Variants in METTL15 observed in about 807,000 individuals in gnomAD.
METTL15 encodes the protein methyltransferase 15, mitochondrial 12S rRNA N4-cytidine, also known as 12S rRNA N(4)-cytidine methyltransferase METTL15.
In METTL15, 34 loss-of-function variants were observed where a neutral mutation model predicts 38.3. The ratio of observed to expected loss-of-function variants is 0.89; its 90% CI spans 0.68 to 1.18. The LOEUF (loss-of-function observed/expected upper bound fraction) is 1.18, where lower values mean the gene tolerates loss of function less well. Among genes scored for constraint, METTL15 ranks in the 50% most tolerant of loss-of-function variants. The pLI, the probability that METTL15 is intolerant of heterozygous loss-of-function variation, is 0.00. For missense variants in METTL15, 438 were observed against 498.4 expected (o/e 0.88, Z 1.15); for synonymous variants, 162 against 170.9 (o/e 0.95, Z 0.41).
At chr11:28,477,968 T>G (rs754935149) in intron 6 of METTL15, among the ~76,000 whole-genome samples, 2 of 152,214 alleles carry the variant, frequency 1.3e-5, no homozygotes, top group Non-Finnish European at 2.9e-5. Context: ...TCTTACATGT[T>G]GGTGGTCTCT....
intron 3 of METTL15, among the ~76,000 whole-genome samples, chr11:28,139,961 C>T (rs1444351073): frequency 5.1e-3 from 6 of 1,178 alleles, no homozygotes; most frequent in Admixed American, 0.045. Flanking sequence ...GGTGGAAAGA[C>T]TCTGTGGAGA....
chr11:28,444,417 T>C (rs900183587), intron 6 of METTL15, among the ~76,000 whole-genome samples: 1 of 152,218 alleles, frequency 6.6e-6, no homozygotes, highest in African/African-American at 2.4e-5. Flanking sequence ...CTTATAGTTA[T>C]TGGAATTTAA....
At position 28,287,038 on chromosome 11, in the gene METTL15, TATATATATGTACATATATATGAGTGC is replaced by T. The variant is rs548135748; in HGVS notation, c.408-3153_408-3128del. 3.1e-4 allele frequency among the ~76,000 whole-genome samples: 47 copies of T among 151,150 alleles called. 1 individual carries two copies. In the South Asian group the frequency reaches 9.6e-3, roughly 31 times the overall value. Reference sequence around the variant, plus strand: ...ATATATATATATGTACTCTCCGCACTATATATATGTACATATATATGAGTGCATATATATGTACATGCACACACACA... The same window carrying T: ...ATATATATATATGTACTCTCCGCACTATATATATGTACATGCACACACACA... On this transcript the variant is annotated intron_variant, in intron 4 of 6. Coordinates refer to ENST00000407364, the MANE Select transcript of METTL15 (RefSeq NM_001113528.2).
chr11:28,117,244 T>TG (rs1407444690), intron 3 of METTL15, among the ~76,000 whole-genome samples: 3 of 54,630 alleles, frequency 5.5e-5, no homozygotes, highest in Non-Finnish European at 1.3e-4. Flanking sequence ...TATGTGTGTG[T>TG]GTGTGTGTGT....
Position 28,175,688 on chromosome 11 carries a change from A to G in METTL15, c.271-35374A>G, listed in dbSNP as rs145918860. ...GTCAAAAATCTGAGTATCACCTTCA[A>G]ACTTCTTACTCTTCCCCTATTAAAT... On this transcript the variant is annotated intron_variant, in intron 3 of 6. Coordinates refer to ENST00000407364, the MANE Select transcript of METTL15 (RefSeq NM_001113528.2). Among the ~76,000 whole-genome samples, 108 of 152,202 alleles carry G rather than the reference A, an allele frequency of 7.1e-4. 1 individual carries two copies. Among genetic ancestry groups the G allele is most frequent in the African/African-American group, 2.4e-3 (101 of 41,552 alleles).
At chr11:28,145,047 CA>C (rs1849831432) in intron 3 of METTL15, 1 of 175,752 alleles carries the variant, frequency 5.7e-6, no homozygotes, top group Non-Finnish European at 1.2e-5. Flanking sequence ...CTATTTTTTT[CA>C]GGCTCTGAAT....
intron 6 of METTL15, among the ~76,000 whole-genome samples, chr11:28,424,624 A>G (rs1850849084): frequency 6.6e-6 from 1 of 152,184 alleles, no homozygotes; most frequent in Non-Finnish European, 1.5e-5. Flanking sequence ...TTGTTAAAAC[A>G]TGTGTGATGG....
chr11:28,374,354 G>A, intron 5 of METTL15, among the ~76,000 whole-genome samples: 1 of 152,076 alleles, frequency 6.6e-6, no homozygotes. Context: ...GCAGCGGTTT[G>A]TAGCTCTCCT....
At chr11:28,212,572 A>G (rs1330209212) in intron 4 of METTL15, among the ~76,000 whole-genome samples, 3 of 152,162 alleles carry the variant, frequency 2.0e-5, no homozygotes, top group Non-Finnish European at 4.4e-5. Flanking sequence ...ATGGTTCAGT[A>G]TGTGCATATA....
intron 3 of METTL15, among the ~76,000 whole-genome samples, chr11:28,170,840 A>G (rs751062393): frequency 5.3e-5 from 8 of 152,068 alleles, no homozygotes; most frequent in Admixed American, 1.3e-4. Context: ...TTTATCAGCA[A>G]TGTCTTTGTG....
chr11:28,345,221 C>T (rs940291206), intron 3 of METTL15, among the ~76,000 whole-genome samples: 1 of 152,188 alleles, frequency 6.6e-6, no homozygotes, highest in African/African-American at 2.4e-5. Context: ...CAGCGTCTCA[C>T]TCTGTCACCC....
intron 3 of METTL15, among the ~76,000 whole-genome samples, chr11:28,167,515 T>G (rs1047890094): frequency 4.6e-5 from 7 of 152,248 alleles, no homozygotes; most frequent in Admixed American, 4.6e-4. Flanking sequence ...CAGATAATTT[T>G]TTAACTGTCC....
chr11:28,140,089 G>C (rs899628803), intron 3 of METTL15, among the ~76,000 whole-genome samples: 1 of 152,168 alleles, frequency 6.6e-6, no homozygotes, highest in African/African-American at 2.4e-5. Flanking sequence ...GGGAGGATGG[G>C]TGCCTCCGCT....
chr11:28,400,660 A>G (rs1347760308), intron 5 of METTL15, among the ~76,000 whole-genome samples: 5 of 151,944 alleles, frequency 3.3e-5, no homozygotes, highest in Non-Finnish European at 7.4e-5. Flanking sequence ...TCAGTGGTCT[A>G]TACAGAACCT....
chr11:28,253,389 G>A (rs191496564), intron 4 of METTL15, among the ~76,000 whole-genome samples: 19 of 152,270 alleles, frequency 1.2e-4, no homozygotes, highest in Middle Eastern at 3.4e-3. Context: ...AGTGTGCAAT[G>A]TGAAATAAGT....
intron 3 of METTL15, among the ~76,000 whole-genome samples, chr11:28,156,439 A>G (rs371195303): frequency 1.3e-5 from 2 of 152,184 alleles, no homozygotes; most frequent in African/African-American, 4.8e-5. Flanking sequence ...AAATGCCATA[A>G]TTGTTCCTGA....
intron 4 of METTL15, among the ~76,000 whole-genome samples, chr11:28,245,594 A>G (rs1019156852): frequency 1.3e-5 from 2 of 152,196 alleles, no homozygotes; most frequent in African/African-American, 4.8e-5. Context: ...TCTAACAGGC[A>G]TATATATACC....
At chr11:28,309,297 A>C (rs1857191798) in intron 6 of METTL15, among the ~76,000 whole-genome samples, 1 of 151,992 alleles carries the variant, frequency 6.6e-6, no homozygotes, top group African/African-American at 2.4e-5. Flanking sequence ...TTGACACCCC[A>C]CCACTGTTGA....
At chr11:28,291,045 C>A (rs1416725704) in intron 5 of METTL15, among the ~76,000 whole-genome samples, 1 of 130,420 alleles carries the variant, frequency 7.7e-6, no homozygotes. Context: ...AGAAATAATT[C>A]TTTTCTTTTT....
Sources: gnomAD v4.1 joint callset for allele counts (sites outside exome capture counted in the v4.1 genomes callset) on GRCh38, gnomAD v4.1.1 for gene constraint, MANE v1.5 for transcripts, NCBI Gene and HGNC (gene_info 2026-07-23, HGNC 2026-07-21) for gene names.